CMIP: variants seen among roughly 807,000 people sequenced by gnomAD.
The protein encoded by CMIP is c-Maf inducing protein, also known as C-Maf-inducing protein.
Under a neutral mutation model 97.3 loss-of-function variants are expected in CMIP, and 13 were observed. The observed-to-expected ratio is 0.13, with a 90% CI of 0.09 to 0.21. CMIP has a LOEUF of 0.21. Among genes scored for constraint, CMIP ranks in the 10% least tolerant of loss-of-function variants. CMIP has a pLI of 1.00. For synonymous variants in CMIP, 538 were observed against 436.3 expected, an observed-to-expected ratio of 1.23 and a Z score of -2.91; for missense variants, 847 against 1,024.9, an observed-to-expected ratio of 0.83 and a Z score of 2.37.
At chr16:81,459,220 TTGTC>T (rs766317127) in intron 1 of CMIP, among the ~76,000 whole-genome samples, 1 of 152,122 alleles carries the variant, frequency 6.6e-6, no homozygotes, top group Non-Finnish European at 1.5e-5. Flanking sequence ...ATAAAGGCCT[TTGTC>T]TGTTGCATGG....
chr16:81,701,291 C>G (rs920459824), intron 15 of CMIP, among the ~76,000 whole-genome samples: 2 of 152,160 alleles, frequency 1.3e-5, no homozygotes, highest in African/African-American at 4.8e-5. Flanking sequence ...TACTTCATGA[C>G]AGCCACTGGG....
intron 1 of CMIP, among the ~76,000 whole-genome samples, chr16:81,513,971 T>G (rs2089861793): frequency 6.6e-6 from 1 of 152,226 alleles, no homozygotes; most frequent in Non-Finnish European, 1.5e-5. Flanking sequence ...CTTTGTGTTT[T>G]GACCCCAAAA....
Position 81,586,171 on chromosome 16 carries a change from C to A in CMIP, c.301-21396C>A, listed in dbSNP as rs571147284. On this transcript the variant is annotated intron_variant, in intron 1 of 20. Coordinates refer to ENST00000537098, the MANE Select transcript of CMIP (RefSeq NM_198390.3). Reference sequence around the variant, plus strand: ...TACTTGTAGAGACAGCCCCGCCCCACACCTACCTTCTGTCATCAGGACCCC... The same window carrying A: ...TACTTGTAGAGACAGCCCCGCCCCAAACCTACCTTCTGTCATCAGGACCCC... Among the ~76,000 whole-genome samples the A allele has an allele frequency of 2.0e-5, 3 of 152,254 alleles. No individual in the cohort carries two copies. In the South Asian group the frequency reaches 6.2e-4, roughly 32 times the overall value.
intron 1 of CMIP, among the ~76,000 whole-genome samples, chr16:81,475,710 G>C (rs1420193083): frequency 6.6e-6 from 1 of 152,180 alleles, no homozygotes; most frequent in African/African-American, 2.4e-5. Flanking sequence ...AAGTTGCTGG[G>C]TGTGGTGGCT....
intron 1 of CMIP, among the ~76,000 whole-genome samples, chr16:81,445,800 G>T (rs902529057): frequency 1.3e-5 from 2 of 152,022 alleles, no homozygotes; most frequent in African/African-American, 4.8e-5. Flanking sequence ...CAGGCTGGGT[G>T]CCTGGGGACC....
rs141246909 is a variant in CMIP at position 81,566,341 on chromosome 16, T to A, written c.301-41226T>A. Among the ~76,000 whole-genome samples, 1,304 of 152,334 alleles carry A rather than the reference T, an allele frequency of 8.6e-3. 9 individuals carry two copies. Among genetic ancestry groups the A allele is most frequent in the Middle Eastern group, 0.027 (8 of 294 alleles). On this transcript the variant is annotated intron_variant, in intron 1 of 20. Transcript: ENST00000537098. ...TGGGGACACATCGGGTTCCTTGCTGTTCTTTCAGACAGTGAAGGAGCCTTC... is the reference window on the plus strand; with the variant it reads ...TGGGGACACATCGGGTTCCTTGCTGATCTTTCAGACAGTGAAGGAGCCTTC...
chr16:81,474,256 C>G (rs1303026290), intron 1 of CMIP, among the ~76,000 whole-genome samples: 1 of 152,130 alleles, frequency 6.6e-6, no homozygotes, highest in Non-Finnish European at 1.5e-5. Context: ...CCAGCTGCTG[C>G]TCCTTAAGTT....
At position 81,516,959 on chromosome 16, in the gene CMIP, A is replaced by G. The variant is rs548186175; in HGVS notation, c.300+71418A>G. On this transcript the variant is annotated intron_variant, in intron 1 of 20. Transcript: ENST00000537098. ...ATCAGTGAAAAACCAGATGGCCTCCAAGGTCTTCAGTGAAAAACCAGAAGG... is the reference window on the plus strand; with the variant it reads ...ATCAGTGAAAAACCAGATGGCCTCCGAGGTCTTCAGTGAAAAACCAGAAGG... Among the ~76,000 whole-genome samples, 6 of 152,282 alleles carry G rather than the reference A, an allele frequency of 3.9e-5. No individual in the cohort carries two copies. The East Asian group carries it at 9.6e-4, about 24-fold the overall frequency.
intron 1 of CMIP, among the ~76,000 whole-genome samples, chr16:81,568,266 T>C (rs1186563141): frequency 6.6e-6 from 1 of 152,062 alleles, no homozygotes; most frequent in African/African-American, 2.4e-5. Context: ...GGCTCTGACC[T>C]CAGTGCGGTC....
chr16:81,656,441 T>G (rs2092483046), intron 4 of CMIP, among the ~76,000 whole-genome samples: 1 of 152,168 alleles, frequency 6.6e-6, no homozygotes, highest in Non-Finnish European at 1.5e-5. Flanking sequence ...AAATACGAAT[T>G]GGCACCACTG....
chr16:81,570,918 C>T (rs1298746989), intron 1 of CMIP, among the ~76,000 whole-genome samples: 4 of 151,928 alleles, frequency 2.6e-5, no homozygotes, highest in East Asian at 1.9e-4. Flanking sequence ...CCTGCGGACA[C>T]GTGATGATGA....
chr16:81,548,575 A>T (rs896672247), intron 1 of CMIP, among the ~76,000 whole-genome samples: 4 of 151,904 alleles, frequency 2.6e-5, no homozygotes, highest in African/African-American at 9.7e-5. Context: ...GTGTGGTGGC[A>T]TGCACCTGTA....
chr16:81,585,451 A>G (rs541258377), intron 1 of CMIP, among the ~76,000 whole-genome samples: 4 of 152,126 alleles, frequency 2.6e-5, no homozygotes, highest in Admixed American at 2.6e-4. Flanking sequence ...TCAAAAGGAA[A>G]CCCGTGCCCA....
chr16:81,445,914 C>G (rs1014566734), intron 1 of CMIP, among the ~76,000 whole-genome samples: 3 of 149,914 alleles, frequency 2.0e-5, no homozygotes, highest in African/African-American at 7.4e-5. Flanking sequence ...CCTGGCCCAT[C>G]TGGATCTGAG....
At chr16:81,544,833 C>T (rs1481058361) in intron 1 of CMIP, among the ~76,000 whole-genome samples, 2 of 151,872 alleles carry the variant, frequency 1.3e-5, no homozygotes, top group African/African-American at 4.8e-5. Flanking sequence ...CATGTGTGTG[C>T]GTGCATGGAG....
chr16:81,558,437 T>C (rs143701479), intron 1 of CMIP, among the ~76,000 whole-genome samples: 2 of 152,268 alleles, frequency 1.3e-5, no homozygotes. Context: ...GGTTAAGTTT[T>C]TGGGGACCTG....
At chr16:81,548,745 C>T (rs980567587) in intron 1 of CMIP, among the ~76,000 whole-genome samples, 1 of 151,716 alleles carries the variant, frequency 6.6e-6, no homozygotes, top group Non-Finnish European at 1.5e-5. Context: ...ACGTGGGAGG[C>T]TGAGGCAGGA....
rs534694226 is a variant in CMIP, at chr16:81,628,860, G to A, written c.477+7934G>A. ...CACTAGGGTTATGTGAATTGGCTGC[G>A]CGTGATGGCTCATACCTGTAATCCC... On this transcript the variant is annotated intron_variant, in intron 3 of 20. Transcript: ENST00000537098. 1.6e-4 allele frequency among the ~76,000 whole-genome samples: 24 copies of A among 152,184 alleles called. No individual in the cohort carries two copies. In the South Asian group the frequency reaches 3.7e-3, roughly 24 times the overall value.
At chr16:81,547,965 C>T (rs1236436715) in intron 1 of CMIP, among the ~76,000 whole-genome samples, 1 of 152,182 alleles carries the variant, frequency 6.6e-6, no homozygotes, top group East Asian at 1.9e-4. Flanking sequence ...ATCCCAGCCT[C>T]CTCTGCAGCA....
Sources: allele counts gnomAD v4.1 joint callset (sites outside exome capture counted in the v4.1 genomes callset), GRCh38; gene constraint gnomAD v4.1.1; transcripts MANE v1.5; gene names NCBI Gene and HGNC (gene_info 2026-07-23, HGNC 2026-07-21).